LMNB2: variants seen among roughly 807,000 people sequenced by gnomAD.
LMNB2 encodes the protein lamin B2.
LMNB2 carries 17 observed loss-of-function variants against 69.3 expected under a neutral mutation model. The observed-to-expected ratio is 0.25, with a 90% confidence interval of 0.17 to 0.37. LMNB2 has a LOEUF of 0.37. Among genes scored for constraint, LMNB2 ranks in the 10% least tolerant of loss-of-function variants. The pLI, the probability that LMNB2 is intolerant of heterozygous loss-of-function variation, is 1.00. For missense variants in LMNB2, 789 were observed against 883.6 expected (o/e 0.89, Z 1.36); for synonymous variants, 397 against 389.3 (o/e 1.02, Z -0.23).
In LMNB2 at chr19:2,435,042, G is replaced by A. The variant is rs758772624; in HGVS notation, c.814C>T (p.Arg272Trp). Residue 272 changes from arginine (R) to tryptophan (W), a missense_variant, in exon 5 of 12, where the codon CGG (arginine) becomes TGG (tryptophan). Arg to Trp is a moderately radical substitution (Grantham distance 101). This residue lies in a region of LMNB2 where 609 missense variants were observed against 630.9 expected (regional missense o/e 0.97). Transcript: ENST00000325327. ...ELRSQHDEQV[R>W]LYKLELEQTY... The stretch of plus-strand genomic sequence containing the variant: ...TGCTCCAGCTCCAGCTTGTAGAGCC[G>A]CACTTGCTCGTCGTGCTGGCTCCGC... The A allele has an allele frequency of 4.4e-6, 7 of 1,586,072 alleles. No individual in the cohort carries two copies. Among genetic ancestry groups the A allele is most frequent in the South Asian group, 2.2e-5 (2 of 90,634 alleles).
chr19:2,456,887 C>G lies in LMNB2; in HGVS notation c.47G>C (p.Arg16Pro), dbSNP rs1246744681. Residue 16 changes from arginine to proline, a missense_variant, in exon 1 of 12, where the codon CGA (arginine) becomes CCA (proline). Around this residue, in one of 3 missense-constraint regions of LMNB2, gnomAD observed 35 missense variants for 23.9 expected, o/e 1.47. Transcript: ENST00000325327. ...CGGCGTGGCCATGGTGGCGGCGGCT[C>G]GCGGCCTGCGCTGCTCCCGACGGCG... ...PGRRREQRRPRAAATMATPLP... is the reference protein window; with the variant it reads ...PGRRREQRRPPAAATMATPLP... 2 of 1,063,140 alleles carry G rather than the reference C, an allele frequency of 1.9e-6. No homozygotes were observed. Among genetic ancestry groups the G allele is most frequent in the Non-Finnish European group, 1.1e-6 (1 of 883,276 alleles). The allele number at this position is 1,063,140 out of a possible 1,614,324, so 65.9% of individuals were successfully genotyped here.
chr19:2,432,389 C>A lies in LMNB2; in HGVS notation c.1590+27G>T, dbSNP rs7255632. 4,879 of 1,592,544 alleles carry A rather than the reference C, an allele frequency of 3.1e-3. 128 individuals are homozygous for A. The African/African-American group carries it at 0.054, about 17-fold the overall frequency. On this transcript the variant is annotated intron_variant, in intron 9 of 11. Coordinates refer to ENST00000325327, the MANE Select transcript of LMNB2 (RefSeq NM_032737.4). ...CCACCTCACACCCCATCCGTGGCCA[C>A]CCTCGCCCTCCTGCCCCACCACCTA... is the stretch of plus-strand genomic sequence containing the variant.
rs1972056188 is a variant in LMNB2 at position 2,453,697 on chromosome 19, C to T, written c.264+2973G>A. On this transcript the variant is annotated intron_variant, in intron 1 of 11. Coordinates refer to ENST00000325327, the MANE Select transcript of LMNB2 (RefSeq NM_032737.4). This position sits in a 1 kb window ranked among gnomAD's most constrained non-coding sequence, Gnocchi z 4.4. ...GAGTTGTAAAGGATGCTGCTGCGGC[C>T]CCGAGAGGTGGCTGGGCCAGGCTCC... is the stretch of plus-strand genomic sequence containing the variant. 6.6e-6 allele frequency among the ~76,000 whole-genome samples: 1 copy of T among 152,176 alleles called. No individual in the cohort carries two copies. Among genetic ancestry groups the T allele is most frequent in the Non-Finnish European group, 1.5e-5 (1 of 68,040 alleles).
intron 1 of LMNB2, among the ~76,000 whole-genome samples, chr19:2,449,568 T>C (rs139393869): frequency 0.03 from 4,537 of 151,938 alleles, 253 homozygotes; most frequent in African/African-American, 0.1. Flanking sequence ...TTACTTGAGG[T>C]CAGCAGTTCG....
Position 2,447,392 on chromosome 19 carries a change from G to A in LMNB2, c.265-2852C>T, listed in dbSNP as rs527720214. Among the ~76,000 whole-genome samples the A allele has an allele frequency of 1.1e-4, 17 of 152,250 alleles. No individual in the cohort carries two copies. The South Asian group carries it at 2.3e-3, about 20-fold the overall frequency. ...AGGCCAGTGCACAGACACAGGCAGC[G>A]GGTGTGTGGGCAGCGGGGCTGGAGA... On this transcript the variant is annotated intron_variant, in intron 1 of 11. Coordinates refer to ENST00000325327, the MANE Select transcript of LMNB2 (RefSeq NM_032737.4). This position sits in a 1 kb window ranked among gnomAD's most constrained non-coding sequence, Gnocchi z 4.4.
At chr19:2,449,047 T>C (rs767349251) in intron 1 of LMNB2, among the ~76,000 whole-genome samples, 2 of 152,116 alleles carry the variant, frequency 1.3e-5, no homozygotes, top group Non-Finnish European at 2.9e-5. Context: ...CATACTACTA[T>C]GCCTGCCTAA....
chr19:2,434,732 G>GCAGGGCCCAGAAGTTGGGC, intron 6 of LMNB2, 56 bp downstream of exon 6: 1 of 1,565,526 alleles, frequency 6.4e-7, no homozygotes. Context: ...CACATCCAGG[G>GCAGGGCCCAGAAGTTGGGC]CAGGGCCCAG....
chr19:2,448,293 C>T (rs1971981742), intron 1 of LMNB2, among the ~76,000 whole-genome samples: 1 of 152,176 alleles, frequency 6.6e-6, no homozygotes, highest in South Asian at 2.1e-4. Flanking sequence ...CCCCTAACCT[C>T]AAGGGAGGGG....
intron 7 of LMNB2, 63 bp downstream of exon 7, chr19:2,434,232 C>T (rs1470161893): frequency 6.3e-6 from 10 of 1,585,656 alleles, no homozygotes; most frequent in African/African-American, 1.3e-5. Flanking sequence ...CCCCGTCCCG[C>T]CTCTCCTCCT....
chr19:2,444,933 G>A (rs1399870869), intron 1 of LMNB2, among the ~76,000 whole-genome samples: 3 of 152,198 alleles, frequency 2.0e-5, no homozygotes, highest in Admixed American at 6.5e-5. Flanking sequence ...CCCCTTCCCC[G>A]GAGGACCAGC....
At chr19:2,449,267 G>T (rs924819742) in intron 1 of LMNB2, among the ~76,000 whole-genome samples, 7 of 152,168 alleles carry the variant, frequency 4.6e-5, no homozygotes, top group Non-Finnish European at 8.8e-5. Flanking sequence ...ACAGAGGAGC[G>T]GGCGGTGTGG....
At chr19:2,435,364 C>T (rs532306043) in intron 4 of LMNB2, among the ~76,000 whole-genome samples, 193 bp from the exon 5 acceptor site, 1 of 152,306 alleles carries the variant, frequency 6.6e-6, no homozygotes, top group South Asian at 2.1e-4. Flanking sequence ...GACTCAGCCA[C>T]GAAAAGGAGC....
At chr19:2,450,881 C>T (rs1158894512) in intron 1 of LMNB2, among the ~76,000 whole-genome samples, 7 of 151,662 alleles carry the variant, frequency 4.6e-5, no homozygotes, top group East Asian at 2.0e-4. Flanking sequence ...CCGCCCACCT[C>T]GGCCTCCCAA....
rs1971696814 is a variant in LMNB2, at chr19:2,428,886, G to GCCACTCCCCACCCC, written c.*2024_*2025insGGGGTGGGGAGTGG. ...TTCTCCCCACCCCCTTCAGCTAAGG[G>GCCACTCCCCACCCC]CACCCGCAGTCCTAGGACCACCCCC... On this transcript the variant is annotated 3_prime_UTR_variant, in exon 12 of 12. Coordinates refer to ENST00000325327, the MANE Select transcript of LMNB2 (RefSeq NM_032737.4). 1 of 152,158 alleles carries GCCACTCCCCACCCC rather than the reference G, an allele frequency of 6.6e-6. No individual in the cohort carries two copies. The highest frequency in any genetic ancestry group is 2.4e-5 in the African/African-American group (1 of 41,402). 9.4% of individuals were successfully genotyped at this position (152,158 alleles called of 1,614,324 possible).
Position 2,434,531 on chromosome 19 carries a change from G to A in LMNB2, c.982-16C>T, listed in dbSNP as rs778769950. ...CGGCACTGGCCTGCGGAGGGGGCGG[G>A]TGGCGAAGGTCAGGGCAGCCCATGG... On this transcript the variant is annotated splice_polypyrimidine_tract_variant and intron_variant, in intron 6 of 11. Transcript: ENST00000325327. 6.2e-7 allele frequency: 1 copy of A among 1,609,386 alleles called. No homozygotes were observed. The highest frequency in any genetic ancestry group is 1.7e-5 in the Admixed American group (1 of 59,950).
chr19:2,446,888 C>G (rs1024235422), intron 1 of LMNB2, among the ~76,000 whole-genome samples: 4 of 152,180 alleles, frequency 2.6e-5, no homozygotes, highest in Non-Finnish European at 5.9e-5. Context: ...CACCTGTAAT[C>G]CCAGCACTTT....
chr19:2,439,737 C>CTT (rs111663913), intron 2 of LMNB2, among the ~76,000 whole-genome samples: 3 of 143,316 alleles, frequency 2.1e-5, no homozygotes, highest in Non-Finnish European at 3.1e-5. Context: ...TCCCTAGAGC[C>CTT]TTTTTTTTTT....
intron 2 of LMNB2, among the ~76,000 whole-genome samples, chr19:2,442,640 G>C (rs1442641306): frequency 6.6e-6 from 1 of 151,958 alleles, no homozygotes; most frequent in Non-Finnish European, 1.5e-5. Context: ...CCAGCTACTC[G>C]GGGTGGGGCT....
In LMNB2 at chr19:2,453,649, AT is replaced by A. The variant is rs1399454737; in HGVS notation, c.264+3020del. Among the ~76,000 whole-genome samples the A allele has an allele frequency of 6.6e-6, 1 of 151,950 alleles. No individual in the cohort carries two copies. Among genetic ancestry groups the A allele is most frequent in the Non-Finnish European group, 1.5e-5 (1 of 67,972 alleles). Reference sequence around the variant, plus strand: ...CTGCCTTCACTGGAGTCAGACCCGCATTTCACCCAGCCTGAGTGAACTGAGT... The same window carrying A: ...CTGCCTTCACTGGAGTCAGACCCGCATTCACCCAGCCTGAGTGAACTGAGT... On this transcript the variant is annotated intron_variant, in intron 1 of 11. Coordinates refer to ENST00000325327, the MANE Select transcript of LMNB2 (RefSeq NM_032737.4). This position sits in a 1 kb window ranked among gnomAD's most constrained non-coding sequence, Gnocchi z 4.4.
Sources: gnomAD v4.1 joint callset for allele counts (sites outside exome capture counted in the v4.1 genomes callset) on GRCh38, gnomAD v4.1.1 for gene constraint, gnomAD v4.1.1 regional missense constraint, Gnocchi (gnomAD v3.1) non-coding constraint, MANE v1.5 for transcripts, NCBI Gene and HGNC (gene_info 2026-07-23, HGNC 2026-07-21) for gene names.